The following DCUN1D3 variants were observed in gnomAD, a reference collection of about 807,000 sequenced individuals.
DCUN1D3 encodes DCN1-like protein 3.
Under a neutral mutation model 24.8 loss-of-function variants are expected in DCUN1D3, and 6 were observed. That is an observed-to-expected ratio of 0.24 (90% CI 0.13 to 0.48). The LOEUF (loss-of-function observed/expected upper bound fraction) is 0.48, where lower values mean the gene tolerates loss of function less well. DCUN1D3 is among the 20% of genes least tolerant of loss of function. The pLI, the probability that DCUN1D3 is intolerant of heterozygous loss-of-function variation, is 0.99. For synonymous variants in DCUN1D3, 120 were observed against 144.9 expected (o/e 0.83, Z 1.24); for missense variants, 258 against 379.4 (o/e 0.68, Z 2.66).
rs2081729218 is a variant in DCUN1D3 at position 20,860,966 on chromosome 16, A to G, written c.432-597T>C. ...TCTCGCATTGATCGTCTTCTCAGGG[A>G]CTGTAGTATCTGCTGAAGAGGTGAG... is the stretch of plus-strand genomic sequence containing the variant. On this transcript the variant is annotated intron_variant, in intron 2 of 2. Transcript: ENST00000324344. The surrounding 1 kb of genome is among the most constrained non-coding windows in gnomAD (Gnocchi z 4.3). 6.6e-6 allele frequency among the ~76,000 whole-genome samples: 1 copy of G among 152,144 alleles called. No homozygotes were observed.
chr16:20,878,631 CT>C (rs1238886498), intron 1 of DCUN1D3, among the ~76,000 whole-genome samples: 1 of 152,174 alleles, frequency 6.6e-6, no homozygotes, highest in Non-Finnish European at 1.5e-5. Flanking sequence ...CAGCCAGCAG[CT>C]TTTTTGAATA....
intron 1 of DCUN1D3, among the ~76,000 whole-genome samples, chr16:20,877,836 C>G (rs1403579309): frequency 6.6e-6 from 1 of 152,176 alleles, no homozygotes; most frequent in Non-Finnish European, 1.5e-5. Context: ...GGCTCTGTTG[C>G]CAGCCCAGAG....
intron 1 of DCUN1D3, among the ~76,000 whole-genome samples, chr16:20,880,735 C>CA (rs2081839815): frequency 6.6e-6 from 1 of 151,416 alleles, no homozygotes; most frequent in Non-Finnish European, 1.5e-5. Flanking sequence ...GTGCACTGCA[C>CA]AAATCTACCT....
Position 20,872,590 on chromosome 16 carries a change from C to T in DCUN1D3, c.-105-9947G>A, listed in dbSNP as rs1349313272. 2.0e-5 allele frequency among the ~76,000 whole-genome samples: 3 copies of T among 152,028 alleles called. No homozygotes were observed. The East Asian group carries it at 5.8e-4, about 29-fold the overall frequency. On this transcript the variant is annotated intron_variant, in intron 1 of 2. Coordinates refer to ENST00000324344, the MANE Select transcript of DCUN1D3 (RefSeq NM_173475.4). ...GAAGAGGAAGAGGGACAGAAAAGAT[C>T]CACACAATAAAAGAATTCCTGCTTT...
chr16:20,888,196 T>G (rs1406194379), intron 1 of DCUN1D3, among the ~76,000 whole-genome samples: 1 of 152,228 alleles, frequency 6.6e-6, no homozygotes, highest in African/African-American at 2.4e-5. Context: ...GGCATAGCAA[T>G]GGATGCCATG....
intron 1 of DCUN1D3, among the ~76,000 whole-genome samples, chr16:20,870,470 T>C (rs759349887): frequency 2.8e-4 from 42 of 152,288 alleles, no homozygotes; most frequent in Non-Finnish European, 5.7e-4. Context: ...CCAAGTAAAC[T>C]GCTGCAGCTC....
At chr16:20,889,809 G>A (rs1358611412) in intron 1 of DCUN1D3, among the ~76,000 whole-genome samples, 1 of 152,088 alleles carries the variant, frequency 6.6e-6, no homozygotes, top group East Asian at 1.9e-4. Flanking sequence ...TTTCACCATG[G>A]GCCCTTATAG....
chr16:20,880,676 G>C (rs1262643968), intron 1 of DCUN1D3, among the ~76,000 whole-genome samples: 1 of 144,310 alleles, frequency 6.9e-6, no homozygotes, highest in Non-Finnish European at 1.5e-5. Context: ...GCATCTAAGA[G>C]ATACTTTCTA....
chr16:20,884,588 G>A (rs182004350), intron 1 of DCUN1D3, among the ~76,000 whole-genome samples: 4 of 152,198 alleles, frequency 2.6e-5, no homozygotes, highest in Admixed American at 2.0e-4. Context: ...TGCTTGCTGC[G>A]TGTCATCAAT....
intron 1 of DCUN1D3, among the ~76,000 whole-genome samples, chr16:20,897,160 A>T (rs2081919624): frequency 6.6e-6 from 1 of 152,228 alleles, no homozygotes; most frequent in Non-Finnish European, 1.5e-5. Flanking sequence ...GAGCCAATTC[A>T]CTCAAAGAAC....
chr16:20,894,569 A>G (rs2152519277), intron 1 of DCUN1D3, among the ~76,000 whole-genome samples: 1 of 152,288 alleles, frequency 6.6e-6, no homozygotes, highest in South Asian at 2.1e-4. Flanking sequence ...ACACTATGCA[A>G]TCCAAGCTTC....
Position 20,859,540 on chromosome 16 carries a change from C to CAAAAAAAAAAAA in DCUN1D3, c.*334_*345dup, listed in dbSNP as rs61506075. ...CGCCCTGCTCTATGCCCTCCCCTAC[C>CAAAAAAAAAAAA]AAAAAAAAAAAAAAAAAAACAAAAA... On this transcript the variant is annotated 3_prime_UTR_variant, in exon 3 of 3. Transcript: ENST00000324344. 5.0e-4 allele frequency: 36 copies of CAAAAAAAAAAAA among 71,426 alleles called. No individual in the cohort carries two copies. The highest frequency in any genetic ancestry group is 8.5e-4 in the Admixed American group (4 of 4,710). 4.4% of individuals were successfully genotyped at this position (71,426 alleles called of 1,614,324 possible).
chr16:20,897,449 A>G (rs912590526), intron 1 of DCUN1D3, among the ~76,000 whole-genome samples: 1 of 152,256 alleles, frequency 6.6e-6, no homozygotes, highest in African/African-American at 2.4e-5. Flanking sequence ...TAATCCACTG[A>G]GTGAACTTTT....
chr16:20,866,648 C>G (rs1475263116), intron 1 of DCUN1D3, among the ~76,000 whole-genome samples: 1 of 152,072 alleles, frequency 6.6e-6, no homozygotes, highest in Non-Finnish European at 1.5e-5. Flanking sequence ...ACATGACCAG[C>G]AGATGAAAAA....
At chr16:20,882,424 GTA>G (rs373075429) in intron 1 of DCUN1D3, among the ~76,000 whole-genome samples, 10 of 149,764 alleles carry the variant, frequency 6.7e-5, no homozygotes, top group Non-Finnish European at 1.0e-4. Context: ...TGCTAATTTT[GTA>G]TATATATATA....
rs34456938 is a variant in DCUN1D3, at chr16:20,862,329, C to T, written c.210G>A (p.Thr70=). 137 of 1,614,242 alleles carry T rather than the reference C, an allele frequency of 8.5e-5. No homozygotes were observed. The African/African-American group carries it at 1.2e-3, about 14-fold the overall frequency. The change falls in exon 2 of 3, where the codon ACG becomes ACA. Residue 70 remains threonine (T), a synonymous_variant. Transcript: ENST00000324344. ...EAATEACQLP[T]SSGDAGRESK... ...ACTCCCTCCCAGCATCTCCCGAGGA[C>T]GTTGGCAGCTGGCAGGCCTCAGTGG...
chr16:20,859,825 A>G lies in DCUN1D3; in HGVS notation c.*61T>C. On this transcript the variant is annotated 3_prime_UTR_variant, in exon 3 of 3. Transcript: ENST00000324344. Reference sequence around the variant, plus strand: ...CTTCAGTAATTTCCAAAATGGTCCAATTCCTCAGTTGGCTGCAGGGCAGCT... The same window carrying G: ...CTTCAGTAATTTCCAAAATGGTCCAGTTCCTCAGTTGGCTGCAGGGCAGCT... 3.3e-6 allele frequency: 5 copies of G among 1,522,002 alleles called. No individual in the cohort carries two copies. The highest frequency in any genetic ancestry group is 1.4e-5 in the African/African-American group (1 of 72,056). The allele number at this position is 1,522,002 out of a possible 1,614,324, so 94.3% of individuals were successfully genotyped here.
intron 1 of DCUN1D3, among the ~76,000 whole-genome samples, chr16:20,890,483 G>C (rs2152518846): frequency 6.6e-6 from 1 of 152,132 alleles, no homozygotes; most frequent in Admixed American, 6.5e-5. Context: ...TTTTTAACTA[G>C]CCAGCCATGG....
chr16:20,867,471 C>T (rs938500726), intron 1 of DCUN1D3, among the ~76,000 whole-genome samples: 10 of 152,208 alleles, frequency 6.6e-5, no homozygotes, highest in Admixed American at 2.6e-4. Flanking sequence ...AAACGTGTGA[C>T]GTTTTTGTCC....
Sources: gnomAD v4.1 joint callset for allele counts (sites outside exome capture counted in the v4.1 genomes callset) on GRCh38, gnomAD v4.1.1 for gene constraint, Gnocchi (gnomAD v3.1) non-coding constraint, MANE v1.5 for transcripts, NCBI Gene and HGNC (gene_info 2026-07-23, HGNC 2026-07-21) for gene names.